Variants in MGAM2 observed in about 807,000 individuals in gnomAD.
MGAM2 encodes the protein probable maltase-glucoamylase 2.
MGAM2 carries 98 observed loss-of-function variants against 96.1 expected under a neutral mutation model. That is an observed-to-expected ratio of 1.02 (90% CI 0.87 to 1.21). The LOEUF is 1.21. MGAM2 is among the 50% of genes most tolerant of loss of function. The probability of loss-of-function intolerance (pLI) is 0.00; values close to 1 mark genes in which losing one functional copy is unlikely to be tolerated. For synonymous variants in MGAM2, 749 were observed against 414.8 expected (o/e 1.81, Z -9.79); for missense variants, 2,055 against 1,182.4 (o/e 1.74, Z -10.82).
At chr7:142,182,550 G>A (rs377506655) in intron 32 of MGAM2, among the ~76,000 whole-genome samples, 54 of 152,278 alleles carry the variant, frequency 3.5e-4, no homozygotes, top group African/African-American at 1.2e-3. Flanking sequence ...GAACCTTCTC[G>A]TCTCCGCACA....
At chr7:142,170,536 C>T (rs943138776) in intron 27 of MGAM2, among the ~76,000 whole-genome samples, 9 of 152,062 alleles carry the variant, frequency 5.9e-5, no homozygotes, top group African/African-American at 1.9e-4. Flanking sequence ...ACCTAAGATA[C>T]AAATGAGTTC....
intron 2 of MGAM2, among the ~76,000 whole-genome samples, chr7:142,119,331 C>T (rs1333624844): frequency 6.6e-6 from 1 of 152,124 alleles, no homozygotes; most frequent in African/African-American, 2.4e-5. Flanking sequence ...TATTCAACAT[C>T]ATTGGTTATT....
chr7:142,187,247 C>T (rs185271691), intron 35 of MGAM2, among the ~76,000 whole-genome samples: 4 of 152,306 alleles, frequency 2.6e-5, no homozygotes, highest in African/African-American at 4.8e-5. Flanking sequence ...AGATAACTCT[C>T]CTTGTGTTTG....
intron 12 of MGAM2, among the ~76,000 whole-genome samples, chr7:142,142,390 T>C (rs746313722): frequency 2.0e-5 from 3 of 152,202 alleles, no homozygotes; most frequent in Non-Finnish European, 2.9e-5. Flanking sequence ...ATTTGAGTGA[T>C]ATATAATTAA....
intron 12 of MGAM2, among the ~76,000 whole-genome samples, chr7:142,142,509 T>C (rs190289947): frequency 6.8e-6 from 1 of 147,514 alleles, no homozygotes; most frequent in East Asian, 2.0e-4. Context: ...GTAGTGGAGG[T>C]GCATAGTGGT....
chr7:142,139,530 A>G (rs12703436), intron 10 of MGAM2, among the ~76,000 whole-genome samples: 2,234 of 152,036 alleles, frequency 0.015, 30 homozygotes, highest in Non-Finnish European at 0.024. Context: ...GTGTGGTGGC[A>G]CATGCCTGTA....
chr7:142,185,092 C>A lies in MGAM2; in HGVS notation c.3940C>A (p.Pro1314Thr). Reference protein sequence around the residue: ...IVWGKVWPDLPNVIVDGSLDH... With the variant: ...IVWGKVWPDLTNVIVDGSLDH... ...TTTTCTCTAGGTTTGGCCAGATCTG[C>A]CTAATGTAATTGTAGATGGATCCCT... is the stretch of plus-strand genomic sequence containing the variant. The change falls in exon 34 of 48, where the codon CCT (proline) becomes ACT (threonine). Residue 1314 changes from proline (P) to threonine (T), a missense_variant. By Grantham distance (38) the Pro-to-Thr change is conservative (BLOSUM62 -1). Coordinates refer to ENST00000477922, the MANE Select transcript of MGAM2 (RefSeq NM_001293626.2). 1 of 702,900 alleles carries A rather than the reference C, an allele frequency of 1.4e-6. No individual in the cohort carries two copies. The highest frequency in any genetic ancestry group is 2.6e-6 in the Non-Finnish European group (1 of 384,938). 43.5% of individuals were successfully genotyped at this position (702,900 alleles called of 1,614,324 possible).
At chr7:142,114,141 A>AGAAAGAAG (rs1563242495) in intron 1 of MGAM2, among the ~76,000 whole-genome samples, 10 of 118,662 alleles carry the variant, frequency 8.4e-5, no homozygotes, top group Non-Finnish European at 1.5e-4. Context: ...AAAAAAAGAA[A>AGAAAGAAG]GAAAGAAAGA....
chr7:142,121,602 TA>T (rs1225633420), intron 3 of MGAM2, among the ~76,000 whole-genome samples: 1 of 151,916 alleles, frequency 6.6e-6, no homozygotes, highest in Non-Finnish European at 1.5e-5. Flanking sequence ...TATAATCCAT[TA>T]TATTTTGTAA....
chr7:142,196,691 T>A lies in MGAM2; in HGVS notation c.4516-9T>A. 1.3e-6 allele frequency: 1 copy of A among 781,358 alleles called. No homozygotes were observed. The highest frequency in any genetic ancestry group is 1.3e-5 in the South Asian group (1 of 74,080). The allele number at this position is 781,358 out of a possible 1,614,324, so 48.4% of individuals were successfully genotyped here. ...TCCCACCTCATGCTCTCATTATGCA[T>A]CTTCTCAGACAGGAGCAGATATCTG... On this transcript the variant is annotated splice_polypyrimidine_tract_variant and intron_variant, in intron 39 of 47. Coordinates refer to ENST00000477922, the MANE Select transcript of MGAM2 (RefSeq NM_001293626.2).
intron 45 of MGAM2, among the ~76,000 whole-genome samples, chr7:142,204,744 A>G (rs981983452): frequency 6.6e-6 from 1 of 152,154 alleles, no homozygotes; most frequent in East Asian, 1.9e-4. Flanking sequence ...GCTACTTTAC[A>G]TAAAATTAGC....
rs994733807 is a variant in MGAM2, at chr7:142,126,188, G to T, written c.187-4760G>T. ...TTATGTTAAAATATTTTTTAATTTGGAACCATTTTCACTTTTGCTTAATGA... is the reference window on the plus strand; with the variant it reads ...TTATGTTAAAATATTTTTTAATTTGTAACCATTTTCACTTTTGCTTAATGA... On this transcript the variant is annotated intron_variant, in intron 3 of 47. Coordinates refer to ENST00000477922, the MANE Select transcript of MGAM2 (RefSeq NM_001293626.2). 4.0e-5 allele frequency among the ~76,000 whole-genome samples: 6 copies of T among 151,682 alleles called. 1 individual carries two copies. The highest frequency in any genetic ancestry group is 3.9e-4 in the Admixed American group (6 of 15,210).
At chr7:142,208,139 C>T in intron 45 of MGAM2, 3 of 458,190 alleles carry the variant, frequency 6.5e-6, no homozygotes, top group Non-Finnish European at 8.8e-6. Context: ...CTATTAAGTA[C>T]AAGAGTTGGG....
At chr7:142,174,823 C>G (rs62475296) in intron 31 of MGAM2, among the ~76,000 whole-genome samples, 6,479 of 147,748 alleles carry the variant, frequency 0.044, 217 homozygotes, top group Non-Finnish European at 0.064. Flanking sequence ...TCAAGTGATT[C>G]TCCTGCCTCA....
chr7:142,162,213 CT>C (rs957437030), intron 23 of MGAM2, among the ~76,000 whole-genome samples: 8 of 151,210 alleles, frequency 5.3e-5, no homozygotes, highest in Admixed American at 4.0e-4. Flanking sequence ...CTGTGCAGAA[CT>C]TTTTTTTTCC....
chr7:142,177,404 G>A (rs980632049), intron 32 of MGAM2, among the ~76,000 whole-genome samples: 13 of 152,310 alleles, frequency 8.5e-5, no homozygotes, highest in African/African-American at 3.1e-4. Context: ...TTCAGGATGA[G>A]ATTTGGGTAG....
chr7:142,148,336 C>T lies in MGAM2; in HGVS notation c.1634+763C>T, dbSNP rs76172114. Among the ~76,000 whole-genome samples the T allele has an allele frequency of 0.021, 3,179 of 151,634 alleles. 115 individuals carry two copies. Among genetic ancestry groups the T allele is most frequent in the African/African-American group, 0.068 (2,791 of 41,320 alleles). ...CACCATTCACCATCACCATCATAAC[C>T]GCTACCACTACCATCACCACCACCA... On this transcript the variant is annotated intron_variant, in intron 15 of 47. Transcript: ENST00000477922. This position sits in a 1 kb window ranked among gnomAD's most constrained non-coding sequence, Gnocchi z 4.2.
At chr7:142,174,911 G>C (rs1054501848) in intron 31 of MGAM2, among the ~76,000 whole-genome samples, 15 of 151,758 alleles carry the variant, frequency 9.9e-5, no homozygotes, top group Admixed American at 2.6e-4. Context: ...TAGGGACGGG[G>C]TTTCACTGTA....
intron 32 of MGAM2, 90 bp from the exon 33 acceptor site, chr7:142,183,176 C>T: frequency 4.8e-6 from 3 of 622,282 alleles, no homozygotes; most frequent in South Asian, 1.9e-5. Flanking sequence ...TCACCATTTC[C>T]TTCTGCACTA....
Sources: gnomAD v4.1 joint callset for allele counts (sites outside exome capture counted in the v4.1 genomes callset) on GRCh38, gnomAD v4.1.1 for gene constraint, Gnocchi (gnomAD v3.1) non-coding constraint, MANE v1.5 for transcripts, NCBI Gene and HGNC (gene_info 2026-07-23, HGNC 2026-07-21) for gene names.